SPATA7: variants seen among roughly 807,000 people sequenced by gnomAD.
The protein encoded by SPATA7 is spermatogenesis associated 7, also known as spermatogenesis-associated protein 7.
A neutral mutation model predicts 51.8 loss-of-function variants in SPATA7; 43 were observed. The ratio of observed to expected loss-of-function variants is 0.83; its 90% CI spans 0.65 to 1.07. The LOEUF (loss-of-function observed/expected upper bound fraction) is 1.07. SPATA7 is among the 50% of genes least tolerant of loss of function. SPATA7 has a pLI of 0.00. For missense variants in SPATA7, 683 were observed against 701.3 expected (o/e 0.97, Z 0.30); for synonymous variants, 230 against 252.8 (o/e 0.91, Z 0.86).
At chr14:88,429,316 A>C in intron 7 of SPATA7, 32 bp from the exon 8 acceptor site, 1 of 1,368,918 alleles carries the variant, frequency 7.3e-7, no homozygotes, top group South Asian at 1.2e-5. Flanking sequence ...ATTTTTAAGC[A>C]AAAATAAATA....
chr14:88,451,417 C>T (rs1206929021), intron 3 of SPATA7, among the ~76,000 whole-genome samples: 10 of 152,056 alleles, frequency 6.6e-5, no homozygotes, highest in African/African-American at 2.2e-4. Flanking sequence ...GATCCACCTG[C>T]CTGAGCCTCC....
At chr14:88,464,388 C>CTGA (rs1362511274) in intron 4 of SPATA7, among the ~76,000 whole-genome samples, 1 of 152,048 alleles carries the variant, frequency 6.6e-6, no homozygotes, top group African/African-American at 2.4e-5. Flanking sequence ...TGAAATCTTG[C>CTGA]TGATAAGCAA....
chr14:88,418,376 C>T (rs139796459), intron 5 of SPATA7, among the ~76,000 whole-genome samples: 4 of 152,230 alleles, frequency 2.6e-5, no homozygotes, highest in African/African-American at 7.2e-5. Context: ...ATAAATTTTC[C>T]ACCAAGTACA....
intron 5 of SPATA7, among the ~76,000 whole-genome samples, chr14:88,425,853 A>G (rs1316910632): frequency 6.6e-6 from 1 of 152,210 alleles, no homozygotes; most frequent in African/African-American, 2.4e-5. Flanking sequence ...ACAAGACAGG[A>G]CAGTGAGGAT....
chr14:88,386,094 G>C, intron 1 of SPATA7: 2 of 1,361,156 alleles, frequency 1.5e-6, no homozygotes, highest in East Asian at 2.6e-5. Context: ...CTGAACTCAG[G>C]GTCGTGCAGC....
intron 3 of SPATA7, chr14:88,455,016 T>C (rs1319375908): frequency 2.2e-6 from 1 of 453,270 alleles, no homozygotes; most frequent in Non-Finnish European, 4.4e-6. Context: ...TGACTCAAAA[T>C]ATTTAGATCT....
chr14:88,429,691 C>A (rs1210522869), intron 8 of SPATA7, among the ~76,000 whole-genome samples: 4 of 151,952 alleles, frequency 2.6e-5, no homozygotes, highest in Admixed American at 6.6e-5. Context: ...AAGGAAAAAA[C>A]CACACCAACT....
intron 1 of SPATA7, among the ~76,000 whole-genome samples, chr14:88,386,985 CATT>C (rs2075598148): frequency 6.6e-6 from 1 of 152,220 alleles, no homozygotes. Context: ...TATAAACTAA[CATT>C]AAACCCTTGC....
chr14:88,388,076 C>T (rs2075632111), intron 1 of SPATA7, among the ~76,000 whole-genome samples: 1 of 152,000 alleles, frequency 6.6e-6, no homozygotes, highest in Admixed American at 6.6e-5. Flanking sequence ...GTGGCGTGCG[C>T]CTGTAGTCCC....
At chr14:88,470,149 AAG>A in exon 5 of SPATA7, 1 of 1,116,800 alleles carries the variant, frequency 9.0e-7, no homozygotes, top group African/African-American at 1.6e-5. Context: ...TTTTTTAAAA[AAG>A]TAAAAAGTAA....
intron 4 of SPATA7, among the ~76,000 whole-genome samples, chr14:88,462,552 T>C (rs2077324401): frequency 6.6e-6 from 1 of 152,248 alleles, no homozygotes. Context: ...ATTTGACAAC[T>C]GAAATTAAGT....
intron 4 of SPATA7, among the ~76,000 whole-genome samples, chr14:88,407,656 G>A (rs1028891286): frequency 6.6e-6 from 1 of 152,060 alleles, no homozygotes; most frequent in Admixed American, 6.6e-5. Context: ...CATTGCTTTT[G>A]GTGTTTTAGT....
chr14:88,387,933 GA>G (rs1400422239), intron 1 of SPATA7, among the ~76,000 whole-genome samples: 1 of 152,032 alleles, frequency 6.6e-6, no homozygotes, highest in Non-Finnish European at 1.5e-5. Context: ...AAAGTAACTT[GA>G]AAAAAAATTT....
intron 3 of SPATA7, among the ~76,000 whole-genome samples, chr14:88,395,421 G>T (rs1180292697): frequency 1.3e-5 from 2 of 151,914 alleles, no homozygotes; most frequent in Admixed American, 6.6e-5. Flanking sequence ...AAGTCGTTTA[G>T]TTTTTTAGTT....
At chr14:88,409,230 CT>C (rs1166549348) in intron 4 of SPATA7, among the ~76,000 whole-genome samples, 2 of 152,010 alleles carry the variant, frequency 1.3e-5, no homozygotes, top group African/African-American at 4.8e-5. Flanking sequence ...TGGTTTTGGG[CT>C]TTTTTGGGTT....
At chr14:88,441,866 C>T (rs2077180567), downstream of SPATA7, among the ~76,000 whole-genome samples, 1 of 152,134 alleles carries the variant, frequency 6.6e-6, no homozygotes, top group South Asian at 2.1e-4. Context: ...CTGTTTATCT[C>T]TGTTTTTGAT....
In SPATA7 at chr14:88,470,039, A is replaced by T. The variant is rs373194685; in HGVS notation, c.*172A>T. Reference sequence around the variant, plus strand: ...TGGCAATATAATCCCATTCGATTCCACTGACAGAGACCTGGGATTAGAAAA... The same window carrying T: ...TGGCAATATAATCCCATTCGATTCCTCTGACAGAGACCTGGGATTAGAAAA... On this transcript the variant is annotated 3_prime_UTR_variant, in exon 5 of 5. Transcript: ENST00000556406. 8 of 1,612,946 alleles carry T rather than the reference A, an allele frequency of 5.0e-6. No homozygotes were observed. The African/African-American group carries it at 8.0e-5, about 16-fold the overall frequency.
In SPATA7 at chr14:88,469,968, AC is replaced by A. The variant is rs540433330; in HGVS notation, c.*103del. The A allele has an allele frequency of 1.2e-6, 2 of 1,613,998 alleles. No homozygotes were observed. Among genetic ancestry groups the A allele is most frequent in the Non-Finnish European group, 1.7e-6 (2 of 1,179,954 alleles). On this transcript the variant is annotated 3_prime_UTR_variant, in exon 5 of 5. Coordinates refer to the SPATA7 transcript ENST00000556406. This position sits in a 1 kb window ranked among gnomAD's most constrained non-coding sequence, Gnocchi z 4.3. The stretch of plus-strand genomic sequence containing the variant: ...TATAATTGCAATTCCCTGTTCCCAT[AC>A]CATCTGCCAAAAATCTTGACAGGTA...
At chr14:88,396,516 G>A (rs1394959195) in intron 4 of SPATA7, among the ~76,000 whole-genome samples, 1 of 152,072 alleles carries the variant, frequency 6.6e-6, no homozygotes, top group Non-Finnish European at 1.5e-5. Context: ...TTATATAAGT[G>A]GAATCATATC....
Sources: gnomAD v4.1 joint callset for allele counts (sites outside exome capture counted in the v4.1 genomes callset) on GRCh38, gnomAD v4.1.1 for gene constraint, Gnocchi (gnomAD v3.1) non-coding constraint, MANE v1.5 for transcripts, NCBI Gene and HGNC (gene_info 2026-07-23, HGNC 2026-07-21) for gene names.